The following IMMP2L variants were observed in gnomAD, a reference collection of about 807,000 sequenced individuals.
IMMP2L encodes mitochondrial inner membrane protease subunit 2.
IMMP2L carries 18 observed loss-of-function variants against 19.3 expected under a neutral mutation model. The ratio of observed to expected loss-of-function variants is 0.93; its 90% CI spans 0.64 to 1.38. The LOEUF is 1.38. IMMP2L is among the 40% of genes most tolerant of loss of function. The pLI, the probability that IMMP2L is intolerant of heterozygous loss-of-function variation, is 0.00. For missense variants in IMMP2L, 233 were observed against 218.2 expected (o/e 1.07, Z -0.43); for synonymous variants, 76 against 73.0 (o/e 1.04, Z -0.21).
intron 3 of IMMP2L, among the ~76,000 whole-genome samples, chr7:111,234,736 T>C (rs2129625938): frequency 6.6e-6 from 1 of 152,172 alleles, no homozygotes; most frequent in Admixed American, 6.6e-5. Flanking sequence ...TTAACTGTTG[T>C]TTTAGTGGTT....
intron 4 of IMMP2L, among the ~76,000 whole-genome samples, chr7:110,961,424 A>C (rs1262529736): frequency 8.2e-6 from 1 of 121,806 alleles, no homozygotes; most frequent in Non-Finnish European, 1.8e-5. Context: ...GACAAGAAAA[A>C]AGTCTGTGTT....
intron 4 of IMMP2L, among the ~76,000 whole-genome samples, chr7:110,900,533 C>G (rs1258150441): frequency 6.6e-6 from 1 of 152,186 alleles, no homozygotes; most frequent in Non-Finnish European, 1.5e-5. Context: ...CTCCACACAA[C>G]AGATCCAACC....
intron 3 of IMMP2L, among the ~76,000 whole-genome samples, chr7:110,966,805 A>G (rs1012053747): frequency 3.3e-5 from 5 of 152,024 alleles, no homozygotes. Context: ...TGATCTCAGC[A>G]GAAGTGCTCA....
In IMMP2L at chr7:111,064,338, CA is replaced by C. The variant is rs545311796; in HGVS notation, c.240-100774del. Among the ~76,000 whole-genome samples, 522 of 152,222 alleles carry C rather than the reference CA, an allele frequency of 3.4e-3. 3 individuals are homozygous for C. Among genetic ancestry groups the C allele is most frequent in the African/African-American group, 0.012 (507 of 41,520 alleles). On this transcript the variant is annotated intron_variant, in intron 3 of 5. Transcript: ENST00000405709. Reference sequence around the variant, plus strand: ...TGAGATTTGGGTGAGGACACAGGGCCAAACCATATCATCCTGAAGGAGGTGG... The same window carrying C: ...TGAGATTTGGGTGAGGACACAGGGCCAACCATATCATCCTGAAGGAGGTGG...
chr7:111,167,311 G>A (rs1297873414), intron 3 of IMMP2L, among the ~76,000 whole-genome samples: 1 of 151,808 alleles, frequency 6.6e-6, no homozygotes, highest in East Asian at 1.9e-4. Flanking sequence ...CTCTGTTCTG[G>A]ACTGTTTTTA....
At chr7:111,038,049 T>G (rs1413822158) in intron 3 of IMMP2L, among the ~76,000 whole-genome samples, 1 of 152,156 alleles carries the variant, frequency 6.6e-6, no homozygotes, top group Non-Finnish European at 1.5e-5. Context: ...AGTGAAATAT[T>G]GACCGCACCA....
chr7:110,819,777 AAATTCCTAGTTAAAT>A (rs1802861896), intron 5 of IMMP2L, among the ~76,000 whole-genome samples: 2 of 152,094 alleles, frequency 1.3e-5, no homozygotes, highest in Non-Finnish European at 2.9e-5. Flanking sequence ...GAAGAAGTTG[AAATTCCTAGTTAAAT>A]AATCATTATA....
At chr7:110,842,618 G>A (rs1805206881) in intron 5 of IMMP2L, among the ~76,000 whole-genome samples, 1 of 152,134 alleles carries the variant, frequency 6.6e-6, no homozygotes, top group Non-Finnish European at 1.5e-5. Context: ...AGGTCAGGAA[G>A]ACAAAATAGG....
At chr7:111,158,574 C>T (rs1007395565) in intron 3 of IMMP2L, among the ~76,000 whole-genome samples, 14 of 152,180 alleles carry the variant, frequency 9.2e-5, no homozygotes, top group African/African-American at 2.2e-4. Context: ...TTTCGAATCA[C>T]GGTTTTCAGT....
intron 3 of IMMP2L, among the ~76,000 whole-genome samples, chr7:111,461,860 C>G (rs1840164138): frequency 6.6e-6 from 1 of 151,964 alleles, no homozygotes; most frequent in Non-Finnish European, 1.5e-5. Context: ...AACGTCACAG[C>G]ATTCCTTCAA....
intron 4 of IMMP2L, among the ~76,000 whole-genome samples, chr7:110,948,843 C>T (rs963007156): frequency 2.0e-5 from 3 of 152,158 alleles, no homozygotes; most frequent in African/African-American, 7.2e-5. Flanking sequence ...CCACCCTCAA[C>T]GTGGACGGGC....
At chr7:111,020,897 T>A (rs1826209736) in intron 3 of IMMP2L, among the ~76,000 whole-genome samples, 1 of 152,244 alleles carries the variant, frequency 6.6e-6, no homozygotes, top group African/African-American at 2.4e-5. Context: ...GTGACTCATA[T>A]ATTCAAATTG....
At position 111,202,290 on chromosome 7, in the gene IMMP2L, G is replaced by A. The variant is rs138288883; in HGVS notation, c.240-238725C>T. On this transcript the variant is annotated intron_variant, in intron 3 of 5. Transcript: ENST00000405709. Reference sequence around the variant, plus strand: ...ATGGAACTTAAATTTGTCTGGAAAAGGAAGCTGTTAACTGGAGTGCTGGCC... The same window carrying A: ...ATGGAACTTAAATTTGTCTGGAAAAAGAAGCTGTTAACTGGAGTGCTGGCC... Among the ~76,000 whole-genome samples, 525 of 152,272 alleles carry A rather than the reference G, an allele frequency of 3.4e-3. 1 individual carries two copies. Among genetic ancestry groups the A allele is most frequent in the African/African-American group, 0.012 (495 of 41,562 alleles).
At chr7:110,842,982 A>C (rs886919199) in intron 5 of IMMP2L, among the ~76,000 whole-genome samples, 8 of 152,192 alleles carry the variant, frequency 5.3e-5, no homozygotes, top group African/African-American at 1.7e-4. Context: ...ACAGCTTAGA[A>C]AAACTAAATT....
chr7:111,524,519 T>A (rs187682439), intron 1 of IMMP2L, among the ~76,000 whole-genome samples: 2 of 152,208 alleles, frequency 1.3e-5, no homozygotes, highest in Admixed American at 1.3e-4. Flanking sequence ...TTGCCTTGAC[T>A]GACATGCTTA....
intron 3 of IMMP2L, among the ~76,000 whole-genome samples, chr7:111,485,617 A>AAAAAAAAAAAAAAAAAAC (rs1563252461): frequency 6.8e-6 from 1 of 147,146 alleles, no homozygotes; most frequent in African/African-American, 2.6e-5. Context: ...AAAAAAAAAA[A>AAAAAAAAAAAAAAAAAAC]AAAAAAAACA....
intron 3 of IMMP2L, among the ~76,000 whole-genome samples, chr7:111,079,205 C>T (rs1795674670): frequency 6.7e-6 from 1 of 149,814 alleles, no homozygotes; most frequent in African/African-American, 2.4e-5. Flanking sequence ...GCAAGCTCCG[C>T]CTCCCGGGTT....
At chr7:110,860,377 G>A (rs1807272592) in intron 5 of IMMP2L, among the ~76,000 whole-genome samples, 1 of 151,778 alleles carries the variant, frequency 6.6e-6, no homozygotes, top group African/African-American at 2.4e-5. Context: ...TACATTCTTG[G>A]AGCCCTTAAG....
chr7:110,730,674 G>A (rs1005792446), intron 5 of IMMP2L, among the ~76,000 whole-genome samples: 7 of 152,122 alleles, frequency 4.6e-5, no homozygotes, highest in African/African-American at 1.7e-4. Context: ...ACAGGCGCCA[G>A]CCACCACGCC....
Sources: allele counts gnomAD v4.1 joint callset (sites outside exome capture counted in the v4.1 genomes callset), GRCh38; gene constraint gnomAD v4.1.1; transcripts MANE v1.5; gene names NCBI Gene and HGNC (gene_info 2026-07-23, HGNC 2026-07-21).